VPS8: variants seen among roughly 807,000 people sequenced by gnomAD.
The protein encoded by VPS8 is vacuolar protein sorting-associated protein 8 homolog.
A neutral mutation model predicts 216.4 loss-of-function variants in VPS8; 129 were observed. The observed-to-expected ratio is 0.60, with a 90% CI of 0.52 to 0.69. The LOEUF is 0.69. Ranked by LOEUF, VPS8 falls within the 30% of genes least tolerant of loss-of-function variation. The pLI is 0.00. For missense variants in VPS8, 1,531 were observed against 1,683.5 expected (o/e 0.91, Z 1.59); for synonymous variants, 571 against 565.4 (o/e 1.01, Z -0.14).
chr3:184,977,182 T>C (rs1305476666), intron 40 of VPS8, among the ~76,000 whole-genome samples: 1 of 152,246 alleles, frequency 6.6e-6, no homozygotes, highest in East Asian at 1.9e-4. Flanking sequence ...TGGTATCTTA[T>C]TGATTTGCAT....
chr3:185,043,299 C>T lies in VPS8; in HGVS notation c.4057-5180C>T, dbSNP rs746994133. On this transcript the variant is annotated intron_variant, in intron 46 of 47. Coordinates refer to ENST00000625842, the MANE Select transcript of VPS8 (RefSeq NM_001009921.3). ...AGGTAAATTAGAGAAAATAATTTCT[C>T]CTTCATTGGGCTAATGTATACATTA... 9.8e-4 allele frequency among the ~76,000 whole-genome samples: 149 copies of T among 152,118 alleles called. 2 individuals carry two copies. Among genetic ancestry groups the T allele is most frequent in the South Asian group, 8.3e-4 (4 of 4,828 alleles).
chr3:184,860,498 C>CAT (rs751417302), intron 15 of VPS8, among the ~76,000 whole-genome samples: 1 of 140,346 alleles, frequency 7.1e-6, no homozygotes, highest in Admixed American at 7.2e-5. Flanking sequence ...CACACACACA[C>CAT]ACAGAAAGAG....
intron 45 of VPS8, among the ~76,000 whole-genome samples, chr3:185,015,417 A>G (rs2110022391): frequency 6.6e-6 from 1 of 152,380 alleles, no homozygotes; most frequent in South Asian, 2.1e-4. Context: ...GGAATGAACC[A>G]CGTATGAAGA....
chr3:184,954,271 C>A (rs1201579828), intron 36 of VPS8, among the ~76,000 whole-genome samples: 1 of 152,184 alleles, frequency 6.6e-6, no homozygotes, highest in Non-Finnish European at 1.5e-5. Context: ...TCCAGAAACT[C>A]CCTGAACTTA....
chr3:184,927,934 T>G (rs1394474835), intron 31 of VPS8, among the ~76,000 whole-genome samples: 1 of 152,248 alleles, frequency 6.6e-6, no homozygotes, highest in Non-Finnish European at 1.5e-5. Context: ...TTCCGTTGTA[T>G]GCATATACTA....
rs1188548245 is a variant in VPS8, at chr3:185,048,558, G to C, written c.4136G>C (p.Arg1379Thr). 1 of 1,613,696 alleles carries C rather than the reference G, an allele frequency of 6.2e-7. No homozygotes were observed. The highest frequency in any genetic ancestry group is 8.5e-7 in the Non-Finnish European group (1 of 1,179,884). ...QLCRLYRGSSRLALLTELSQN... is the reference protein window; with the variant it reads ...QLCRLYRGSSTLALLTELSQN... ...TGCCGTCTCTACCGAGGAAGCTCCA[G>C]GGTAATGTTTGCGTGGTTGTTTATA... The change falls in exon 47 of 48, where the codon AGG becomes ACG. Residue 1379 changes from arginine (R) to threonine (T), a missense_variant and splice_region_variant. Arg to Thr is a moderately conservative substitution (Grantham distance 71). Transcript: ENST00000625842.
At chr3:184,881,733 A>G (rs975062404) in intron 21 of VPS8, among the ~76,000 whole-genome samples, 1 of 152,050 alleles carries the variant, frequency 6.6e-6, no homozygotes, top group Admixed American at 6.6e-5. Flanking sequence ...AGGAGAACTG[A>G]TATTTTTACT....
chr3:184,926,614 T>G lies in VPS8; in HGVS notation c.2595T>G (p.Ser865Arg). 6.2e-7 allele frequency: 1 copy of G among 1,604,380 alleles called. No homozygotes were observed. The highest frequency in any genetic ancestry group is 8.5e-7 in the Non-Finnish European group (1 of 1,175,284). ...GCCAGGTCCTTGAATTCCTTTGTAG[T>G]CCTGACGATGACTCCCGACACTCTG... ...LFDQVLEFLC[S>R]PDDDSRHSER... Residue 865 changes from serine (S) to arginine (R), a missense_variant, in exon 31 of 48, where the codon AGT becomes AGG. Around this residue, in one of 3 missense-constraint regions of VPS8, gnomAD observed 1,318 missense variants for 1,468.4 expected, o/e 0.90. Transcript: ENST00000625842.
rs761931919 is a variant in VPS8, at chr3:184,929,567, C to T, written c.2715-13C>T. 4 of 1,460,908 alleles carry T rather than the reference C, an allele frequency of 2.7e-6. No individual in the cohort carries two copies. Among genetic ancestry groups the T allele is most frequent in the Non-Finnish European group, 3.7e-6 (4 of 1,073,094 alleles). 90.5% of individuals were successfully genotyped at this position (1,460,908 alleles called of 1,614,324 possible). Reference sequence around the variant, plus strand: ...CTGTTTGGTACACTGAAGTTTTTCCCTTTACATTCTAGCTATCAAATTTGT... The same window carrying T: ...CTGTTTGGTACACTGAAGTTTTTCCTTTTACATTCTAGCTATCAAATTTGT... On this transcript the variant is annotated splice_polypyrimidine_tract_variant and intron_variant, in intron 32 of 47. Coordinates refer to ENST00000625842, the MANE Select transcript of VPS8 (RefSeq NM_001009921.3).
chr3:184,900,943 C>T lies in VPS8; in HGVS notation c.2117C>T (p.Pro706Leu). The T allele has an allele frequency of 6.2e-7, 1 of 1,606,224 alleles. No individual in the cohort carries two copies. ...CAGAAACTTTTCAGAGTCATTGCTC[C>T]TCCTCTGAATGCAGGAAAAACACTA... ...PMEKLFRVIA[P>L]PLNAGKTLTD... The change falls in exon 25 of 48, where the codon CCT (proline) becomes CTT (leucine). Residue 706 changes from proline (P) to leucine (L), a missense_variant. Physicochemically the swap from Pro to Leu is moderately conservative, Grantham distance 98 (BLOSUM62 -3). Transcript: ENST00000625842.
At chr3:184,956,303 C>T (rs934858855) in intron 36 of VPS8, among the ~76,000 whole-genome samples, 1 of 152,190 alleles carries the variant, frequency 6.6e-6, no homozygotes, top group Non-Finnish European at 1.5e-5. Flanking sequence ...AGTGTGCCTG[C>T]AGACTGTCTC....
chr3:184,834,605 A>G (rs1163170354), intron 4 of VPS8, 44 bp from the exon 5 acceptor site: 3 of 1,459,696 alleles, frequency 2.1e-6, no homozygotes, highest in South Asian at 1.3e-5. Flanking sequence ...TCTCCTTTTC[A>G]CTATTTTTAT....
rs548673928 is a variant in VPS8 at position 184,923,325 on chromosome 3, T to C, written c.2455-1537T>C. 2.6e-5 allele frequency among the ~76,000 whole-genome samples: 4 copies of C among 152,214 alleles called. No individual in the cohort carries two copies. The East Asian group carries it at 7.7e-4, about 29-fold the overall frequency. On this transcript the variant is annotated intron_variant, in intron 29 of 47. Coordinates refer to ENST00000625842, the MANE Select transcript of VPS8 (RefSeq NM_001009921.3). ...TCATTATCCCACCTGCCAATCAGGC[T>C]CAAAAAATGTCCTGTTTCATTGTTC...
intron 5 of VPS8, among the ~76,000 whole-genome samples, chr3:184,837,105 A>C (rs1721242220): frequency 6.6e-6 from 1 of 152,174 alleles, no homozygotes; most frequent in Non-Finnish European, 1.5e-5. Flanking sequence ...GCATACAGGC[A>C]TCCCAGGTGA....
chr3:185,005,849 G>A (rs1335398170), intron 45 of VPS8, among the ~76,000 whole-genome samples: 3 of 152,102 alleles, frequency 2.0e-5, no homozygotes, highest in Non-Finnish European at 4.4e-5. Flanking sequence ...GGCGAACAGT[G>A]ATGGTTTGAC....
At chr3:184,828,058 T>C (rs1383832689) in intron 3 of VPS8, among the ~76,000 whole-genome samples, 2 of 152,206 alleles carry the variant, frequency 1.3e-5, no homozygotes, top group African/African-American at 2.4e-5. Flanking sequence ...GATATGTGGA[T>C]GCATATATTC....
intron 40 of VPS8, among the ~76,000 whole-genome samples, chr3:184,977,665 A>G (rs1749500778): frequency 6.6e-6 from 1 of 151,268 alleles, no homozygotes; most frequent in African/African-American, 2.4e-5. Context: ...ATTCTTCTGC[A>G]TATGGATACC....
intron 45 of VPS8, among the ~76,000 whole-genome samples, chr3:185,009,164 C>A (rs1243047687): frequency 2.0e-5 from 3 of 151,980 alleles, no homozygotes; most frequent in Non-Finnish European, 4.4e-5. Context: ...TTCATACAGA[C>A]AAAGAGAACT....
intron 46 of VPS8, among the ~76,000 whole-genome samples, chr3:185,041,532 A>C (rs1306741183): frequency 6.6e-6 from 1 of 152,136 alleles, no homozygotes; most frequent in Non-Finnish European, 1.5e-5. Context: ...TTATTGATCG[A>C]GTTACAAATA....
Sources: allele counts gnomAD v4.1 joint callset (sites outside exome capture counted in the v4.1 genomes callset), GRCh38; gene constraint gnomAD v4.1.1; regional missense constraint gnomAD v4.1.1; transcripts MANE v1.5; gene names NCBI Gene and HGNC (gene_info 2026-07-23, HGNC 2026-07-21).